OSBPL6: variants seen among roughly 807,000 people sequenced by gnomAD.
The protein encoded by OSBPL6 is oxysterol binding protein like 6, also known as oxysterol-binding protein-related protein 6.
In OSBPL6, 49 loss-of-function variants were observed where a neutral mutation model predicts 125.8. The observed-to-expected ratio is 0.39, with a 90% CI of 0.31 to 0.49. The LOEUF (loss-of-function observed/expected upper bound fraction) is 0.49. Ranked by LOEUF, OSBPL6 falls within the 20% of genes least tolerant of loss-of-function variation. The pLI is 0.88. For synonymous variants in OSBPL6, 394 were observed against 391.8 expected, an observed-to-expected ratio of 1.01 and a Z score of -0.07; for missense variants, 986 against 1,135.4, an observed-to-expected ratio of 0.87 and a Z score of 1.89.
chr2:178,324,121 C>T (rs1688489205), intron 3 of OSBPL6, 56 bp from the exon 4 acceptor site: 1 of 1,132,164 alleles, frequency 8.8e-7, no homozygotes, highest in African/African-American at 1.5e-5. Flanking sequence ...TCCCCATGCA[C>T]ATTCACATGA....
intron 1 of OSBPL6, among the ~76,000 whole-genome samples, chr2:178,249,358 T>G (rs753507636): frequency 3.3e-5 from 5 of 152,210 alleles, no homozygotes; most frequent in Non-Finnish European, 5.9e-5. Context: ...GGCACGGTGT[T>G]TAGTAGCTAT....
In OSBPL6 at chr2:178,383,424, G is replaced by A. The variant is rs778771093; in HGVS notation, c.1875+147G>A. On this transcript the variant is annotated intron_variant, in intron 17 of 24. Coordinates refer to ENST00000190611, the MANE Select transcript of OSBPL6 (RefSeq NM_032523.4). ...GGAATTGATCTGTTTGCATAAATCC[G>A]GCAAGGCCAAAACCTCCCAGATACC... 15 of 1,262,858 alleles carry A rather than the reference G, an allele frequency of 1.2e-5. No individual in the cohort carries two copies. The Admixed American group carries it at 1.4e-4, about 12-fold the overall frequency. The allele number at this position is 1,262,858 out of a possible 1,614,324, so 78.2% of individuals were successfully genotyped here. A position where few individuals can be genotyped will look rare whatever the true frequency, so the allele number is the denominator to read the frequency against.
intron 1 of OSBPL6, among the ~76,000 whole-genome samples, chr2:178,270,069 C>A (rs1422227050): frequency 1.3e-5 from 2 of 152,152 alleles, no homozygotes; most frequent in South Asian, 2.1e-4. Flanking sequence ...CCTGAGTAGG[C>A]CAGACTTGCG....
At chr2:178,328,514 T>G (rs1821412) in intron 5 of OSBPL6, 136 bp downstream of exon 5, 48,203 of 1,027,330 alleles carry the variant, frequency 0.047, 1,727 homozygotes, top group Middle Eastern at 0.15. Flanking sequence ...TTGAGACAGA[T>G]TCTCACTCTG....
chr2:178,310,412 CTT>C (rs71023440), intron 3 of OSBPL6, among the ~76,000 whole-genome samples: 1,482 of 85,580 alleles, frequency 0.017, 9 homozygotes, highest in South Asian at 0.11. Context: ...AAACTGAACT[CTT>C]TTTTTTTTTT....
intron 12 of OSBPL6, among the ~76,000 whole-genome samples, chr2:178,351,252 G>C (rs55799649): frequency 0.31 from 46,404 of 151,844 alleles, 8,665 homozygotes; most frequent in East Asian, 0.47. Context: ...AGAGCAATTA[G>C]ACAACAAAAA....
At chr2:178,227,109 A>T (rs1018897121) in intron 1 of OSBPL6, among the ~76,000 whole-genome samples, 1 of 152,208 alleles carries the variant, frequency 6.6e-6, no homozygotes, top group Admixed American at 6.5e-5. Context: ...TCAGGATGAA[A>T]AGTGTGAACA....
intron 1 of OSBPL6, among the ~76,000 whole-genome samples, chr2:178,244,791 G>T (rs901800830): frequency 6.6e-5 from 10 of 152,110 alleles, no homozygotes; most frequent in Admixed American, 1.3e-4. Flanking sequence ...CACTTACCTA[G>T]GTTGTTTAAA....
At position 178,280,296 on chromosome 2, in the gene OSBPL6, AT is replaced by A. The variant is rs1455155822; in HGVS notation, c.-350-4630del. 3.9e-5 allele frequency among the ~76,000 whole-genome samples: 6 copies of A among 152,206 alleles called. No homozygotes were observed. The East Asian group carries it at 9.6e-4, about 24-fold the overall frequency. On this transcript the variant is annotated intron_variant, in intron 1 of 24. Coordinates refer to ENST00000190611, the MANE Select transcript of OSBPL6 (RefSeq NM_032523.4). ...AATATATGTCACCTAGAAATTTGGAATGTGAATGTGACTATATAAACCTGTA... is the reference window on the plus strand; with the variant it reads ...AATATATGTCACCTAGAAATTTGGAAGTGAATGTGACTATATAAACCTGTA...
rs1311592951 is a variant in OSBPL6 at position 178,354,834 on chromosome 2, G to T, written c.1153+5445G>T. Among the ~76,000 whole-genome samples the T allele has an allele frequency of 4.0e-5, 6 of 150,250 alleles. No individual in the cohort carries two copies. The East Asian group carries it at 5.9e-4, about 15-fold the overall frequency. ...TATTCTAAAATTGACCACATAATTG[G>T]AAGTAAAGCACTCCTCAGCAAATGT... On this transcript the variant is annotated intron_variant, in intron 12 of 24. Transcript: ENST00000190611.
rs558031030 is a variant in OSBPL6, at chr2:178,312,679, C to T, written c.102+6393C>T. Among the ~76,000 whole-genome samples, 6 of 152,080 alleles carry T rather than the reference C, an allele frequency of 3.9e-5. 1 individual carries two copies. The highest frequency in any genetic ancestry group is 1.4e-4 in the African/African-American group (6 of 41,484). On this transcript the variant is annotated intron_variant, in intron 3 of 24. Transcript: ENST00000190611. ...CTACGTTTGCCAGGCTAGTCTCAAA[C>T]TCCTGACCTCAAGTGATCCACCCAC...
intron 1 of OSBPL6, among the ~76,000 whole-genome samples, chr2:178,284,524 C>T (rs981708320): frequency 6.6e-6 from 1 of 152,198 alleles, no homozygotes; most frequent in East Asian, 1.9e-4. Context: ...TTGCACTCCA[C>T]CCTGGGCATT....
At chr2:178,281,000 T>C (rs1283091631) in intron 1 of OSBPL6, among the ~76,000 whole-genome samples, 1 of 147,450 alleles carries the variant, frequency 6.8e-6, no homozygotes, top group Non-Finnish European at 1.5e-5. Flanking sequence ...TTTGTTGCAA[T>C]TGCTTTTGAC....
chr2:178,357,403 C>G (rs914444260), intron 12 of OSBPL6, among the ~76,000 whole-genome samples: 3 of 151,992 alleles, frequency 2.0e-5, no homozygotes, highest in African/African-American at 7.2e-5. Context: ...CAAAAACAAT[C>G]CCATCAAAAA....
At chr2:178,344,627 G>A (rs1690533036) in intron 11 of OSBPL6, among the ~76,000 whole-genome samples, 1 of 151,794 alleles carries the variant, frequency 6.6e-6, no homozygotes, top group African/African-American at 2.4e-5. Context: ...GCAAAATTGA[G>A]TACAGTGCCC....
chr2:178,372,066 G>A (rs1574998496), intron 13 of OSBPL6, 60 bp from the exon 14 acceptor site: 1 of 1,280,396 alleles, frequency 7.8e-7, no homozygotes. Flanking sequence ...CTGTGTACTT[G>A]TTCTGTTTTA....
intron 1 of OSBPL6, among the ~76,000 whole-genome samples, chr2:178,283,547 A>G (rs1209281753): frequency 6.6e-6 from 1 of 152,094 alleles, no homozygotes; most frequent in East Asian, 1.9e-4. Context: ...TCAGAGAGTA[A>G]CTTCTTTGGA....
In OSBPL6 at chr2:178,199,921, A is replaced by G. The variant is rs186571557; in HGVS notation, c.-351+5247A>G. ...ACATATTTGGATAAGGCAGTGCTGT[A>G]CTTCTAGTCTCAAAGTGTCCATTAT... On this transcript the variant is annotated intron_variant, in intron 1 of 24. Transcript: ENST00000190611. Among the ~76,000 whole-genome samples, 136 of 152,308 alleles carry G rather than the reference A, an allele frequency of 8.9e-4. 2 individuals carry two copies. Among genetic ancestry groups the G allele is most frequent in the African/African-American group, 3.2e-3 (132 of 41,572 alleles).
chr2:178,387,769 C>T (rs1289333517), intron 20 of OSBPL6, among the ~76,000 whole-genome samples: 1 of 152,156 alleles, frequency 6.6e-6, no homozygotes, highest in Non-Finnish European at 1.5e-5. Flanking sequence ...CTTTGGGAGG[C>T]TGAGGCGGGC....
Sources: allele counts gnomAD v4.1 joint callset (sites outside exome capture counted in the v4.1 genomes callset), GRCh38; gene constraint gnomAD v4.1.1; transcripts MANE v1.5; gene names NCBI Gene and HGNC (gene_info 2026-07-23, HGNC 2026-07-21).